ATXN1: variants seen among roughly 807,000 people sequenced by gnomAD.
ATXN1 encodes the protein ataxin-1.
In ATXN1, 8 loss-of-function variants were observed where a neutral mutation model predicts 56.4. The ratio of observed to expected loss-of-function variants is 0.14; its 90% CI spans 0.08 to 0.26. The LOEUF (loss-of-function observed/expected upper bound fraction) is 0.26, where lower values mean the gene tolerates loss of function less well. Ranked by LOEUF, ATXN1 falls within the 10% of genes least tolerant of loss-of-function variation. The probability of loss-of-function intolerance (pLI) is 1.00; values close to 1 mark genes in which losing one functional copy is unlikely to be tolerated. For synonymous variants in ATXN1, 514 were observed against 494.6 expected (o/e 1.04, Z -0.52); for missense variants, 987 against 1,106.5 (o/e 0.89, Z 1.53).
chr6:16,642,929 G>A (rs1398087004), intron 3 of ATXN1, among the ~76,000 whole-genome samples: 1 of 152,158 alleles, frequency 6.6e-6, no homozygotes, highest in Non-Finnish European at 1.5e-5. Context: ...GTGATTTGCT[G>A]TATTGCAATA....
At chr6:16,409,024 C>A (rs528750837) in intron 6 of ATXN1, among the ~76,000 whole-genome samples, 5 of 152,306 alleles carry the variant, frequency 3.3e-5, no homozygotes, top group Admixed American at 3.3e-4. Context: ...AAGGTTTAGT[C>A]AATCAAATGG....
chr6:16,698,937 C>T (rs776980512), intron 2 of ATXN1, among the ~76,000 whole-genome samples: 6 of 152,146 alleles, frequency 3.9e-5, no homozygotes, highest in Non-Finnish European at 7.4e-5. Context: ...TTCAACTAAG[C>T]TAATTTTTTA....
intron 3 of ATXN1, among the ~76,000 whole-genome samples, chr6:16,648,807 C>T (rs1016581943): frequency 1.3e-5 from 2 of 152,080 alleles, no homozygotes; most frequent in Non-Finnish European, 2.9e-5. Flanking sequence ...GACAGTTCAC[C>T]TTTTGGCATG....
chr6:16,540,504 G>A (rs939176141), intron 4 of ATXN1, among the ~76,000 whole-genome samples: 11 of 152,104 alleles, frequency 7.2e-5, no homozygotes, highest in Admixed American at 2.0e-4. Context: ...GAGCCACTGC[G>A]CCCGGAACTG....
chr6:16,635,616 A>C (rs1366400561), intron 3 of ATXN1, among the ~76,000 whole-genome samples: 1 of 152,240 alleles, frequency 6.6e-6, no homozygotes, highest in Non-Finnish European at 1.5e-5. Context: ...TGCCGCTTAC[A>C]AAAGCTCATT....
At chr6:16,609,627 C>A (rs764445637) in intron 3 of ATXN1, among the ~76,000 whole-genome samples, 2 of 152,198 alleles carry the variant, frequency 1.3e-5, no homozygotes, top group Non-Finnish European at 2.9e-5. Context: ...TCCAACCTTT[C>A]CCTAATGGTA....
rs546872203 is a variant in ATXN1 at position 16,473,309 on chromosome 6, A to G, written c.-161+12663T>C. On this transcript the variant is annotated intron_variant, in intron 6 of 7. Transcript: ENST00000436367. ...TTCAGTGACAACAAACTGGTCCCCAAACGTACCGGTGAAAACCACACGTTC... is the reference window on the plus strand; with the variant it reads ...TTCAGTGACAACAAACTGGTCCCCAGACGTACCGGTGAAAACCACACGTTC... Among the ~76,000 whole-genome samples the G allele has an allele frequency of 6.6e-5, 10 of 152,286 alleles. No homozygotes were observed. In the East Asian group the frequency reaches 1.9e-3, roughly 29 times the overall value.
intron 5 of ATXN1, among the ~76,000 whole-genome samples, chr6:16,520,807 G>A (rs185643951): frequency 2.0e-3 from 306 of 152,262 alleles, no homozygotes; most frequent in Admixed American, 3.5e-3. Context: ...GTGGACAGGA[G>A]CGATCAATGT....
chr6:16,616,464 T>C (rs928103089), intron 3 of ATXN1, among the ~76,000 whole-genome samples: 2 of 150,732 alleles, frequency 1.3e-5, no homozygotes, highest in Non-Finnish European at 3.0e-5. Flanking sequence ...CACTTGAACC[T>C]GGGAGGCAGA....
chr6:16,619,323 GAT>G (rs1428574817), intron 3 of ATXN1, among the ~76,000 whole-genome samples: 1 of 152,020 alleles, frequency 6.6e-6, no homozygotes, highest in Non-Finnish European at 1.5e-5. Flanking sequence ...GTTGAAAAAA[GAT>G]ATATATGTTC....
At chr6:16,442,920 G>A (rs1373106169) in intron 6 of ATXN1, among the ~76,000 whole-genome samples, 1 of 152,082 alleles carries the variant, frequency 6.6e-6, no homozygotes. Context: ...GCTGAGGCAC[G>A]AGAATTGCTT....
Position 16,326,353 on chromosome 6 carries a change from GGT to G in ATXN1, c.1917+39_1917+40del. On this transcript the variant is annotated intron_variant, in intron 7 of 7. Coordinates refer to ENST00000436367, the MANE Select transcript of ATXN1 (RefSeq NM_001128164.2). The surrounding 1 kb of genome is among the most constrained non-coding windows in gnomAD (Gnocchi z 6.6). ...TGCCAGGAGATGATGATGGCATCAC[GGT>G]GTGGTGTCCCATCCCTGTGCCACCC... 6.2e-7 allele frequency: 1 copy of G among 1,603,222 alleles called. No homozygotes were observed. Among genetic ancestry groups the G allele is most frequent in the Non-Finnish European group, 8.5e-7 (1 of 1,174,738 alleles).
intron 6 of ATXN1, among the ~76,000 whole-genome samples, chr6:16,458,384 G>A (rs1172841529): frequency 6.6e-6 from 1 of 152,182 alleles, no homozygotes; most frequent in Admixed American, 6.5e-5. Context: ...GCAGCTATGG[G>A]AGGCCTTAAG....
At chr6:16,502,746 G>A (rs1760908097) in intron 5 of ATXN1, among the ~76,000 whole-genome samples, 1 of 152,110 alleles carries the variant, frequency 6.6e-6, no homozygotes, top group Non-Finnish European at 1.5e-5. Flanking sequence ...CGCACACAAA[G>A]AAAAGTGAGA....
chr6:16,396,953 C>T (rs1432611003), intron 6 of ATXN1, among the ~76,000 whole-genome samples: 1 of 152,198 alleles, frequency 6.6e-6, no homozygotes, highest in Non-Finnish European at 1.5e-5. Flanking sequence ...GAGCAACAGG[C>T]TGCATTATAT....
intron 2 of ATXN1, among the ~76,000 whole-genome samples, chr6:16,704,082 T>C (rs975943431): frequency 3.9e-5 from 6 of 152,174 alleles, no homozygotes; most frequent in African/African-American, 9.7e-5. Flanking sequence ...TGTCTCTAAC[T>C]ACCATTTAAA....
At chr6:16,526,064 T>TATATACACAC (rs370698828) in intron 4 of ATXN1, among the ~76,000 whole-genome samples, 4 of 133,310 alleles carry the variant, frequency 3.0e-5, no homozygotes, top group Admixed American at 1.5e-4. Context: ...TATATATATA[T>TATATACACAC]ACATACATAC....
chr6:16,749,628 C>A (rs1254114858), intron 2 of ATXN1, among the ~76,000 whole-genome samples: 1 of 152,122 alleles, frequency 6.6e-6, no homozygotes, highest in Non-Finnish European at 1.5e-5. Flanking sequence ...ACTCCTCCAG[C>A]CACCCAGCCT....
chr6:16,499,056 C>T (rs1278852774), intron 5 of ATXN1, among the ~76,000 whole-genome samples: 1 of 152,138 alleles, frequency 6.6e-6, no homozygotes, highest in African/African-American at 2.4e-5. Context: ...TTTGGTGTCA[C>T]ATCTAAGAAT....
Sources: allele counts gnomAD v4.1 joint callset (sites outside exome capture counted in the v4.1 genomes callset), GRCh38; gene constraint gnomAD v4.1.1; non-coding constraint Gnocchi (gnomAD v3.1); transcripts MANE v1.5; gene names NCBI Gene and HGNC (gene_info 2026-07-23, HGNC 2026-07-21).